GABRG2: variants seen among roughly 807,000 people sequenced by gnomAD.
The protein encoded by GABRG2 is gamma-aminobutyric acid receptor subunit gamma-2.
Under a neutral mutation model 56.4 loss-of-function variants are expected in GABRG2, and 16 were observed. The ratio of observed to expected loss-of-function variants is 0.28; its 90% CI spans 0.19 to 0.43. The LOEUF (loss-of-function observed/expected upper bound fraction) is 0.43. Among genes scored for constraint, GABRG2 ranks in the 20% least tolerant of loss-of-function variants. The pLI, the probability that GABRG2 is intolerant of heterozygous loss-of-function variation, is 1.00. For synonymous variants in GABRG2, 208 were observed against 205.5 expected, an observed-to-expected ratio of 1.01 and a Z score of -0.10; for missense variants, 327 against 582.7, an observed-to-expected ratio of 0.56 and a Z score of 4.52.
chr5:162,118,392 A>C (rs1762769377), intron 6 of GABRG2, among the ~76,000 whole-genome samples: 1 of 152,138 alleles, frequency 6.6e-6, no homozygotes, highest in Admixed American at 6.6e-5. Context: ...TATAGAAACA[A>C]GAGTGAGGTG....
chr5:162,070,799 A>T (rs1758613046), intron 1 of GABRG2, among the ~76,000 whole-genome samples: 1 of 152,012 alleles, frequency 6.6e-6, no homozygotes, highest in Non-Finnish European at 1.5e-5. Flanking sequence ...AGATTCCTAC[A>T]CTATACACTG....
At chr5:162,111,409 T>A (rs1404133164) in intron 6 of GABRG2, among the ~76,000 whole-genome samples, 2 of 152,126 alleles carry the variant, frequency 1.3e-5, no homozygotes, top group African/African-American at 4.8e-5. Flanking sequence ...AGCAGGGAGA[T>A]AGTTTTTAAG....
intron 1 of GABRG2, among the ~76,000 whole-genome samples, chr5:162,078,397 ATTTT>A (rs869191596): frequency 9.8e-5 from 3 of 30,676 alleles, no homozygotes; most frequent in African/African-American, 5.2e-4. Flanking sequence ...ATATATATAT[ATTTT>A]TTTTTTTTTT....
intron 6 of GABRG2, among the ~76,000 whole-genome samples, chr5:162,132,273 TAAG>T (rs1441631260): frequency 6.6e-6 from 1 of 152,024 alleles, no homozygotes; most frequent in Non-Finnish European, 1.5e-5. Flanking sequence ...AAGCAATTTT[TAAG>T]GAGAACAAGA....
rs184463809 is a variant in GABRG2 at position 162,109,158 on chromosome 5, C to T, written c.769+5132C>T. Among the ~76,000 whole-genome samples, 882 of 151,684 alleles carry T rather than the reference C, an allele frequency of 5.8e-3. 13 individuals are homozygous for T. Among genetic ancestry groups the T allele is most frequent in the African/African-American group, 0.02 (835 of 41,300 alleles). On this transcript the variant is annotated intron_variant, in intron 6 of 9. Coordinates refer to ENST00000639213, the MANE Select transcript of GABRG2 (RefSeq NM_198904.4). ...ATCTCAAAGACAAAAAATCAAACAC[C>T]GCATGTTCTCCCTCATAGGTGGGAA...
At chr5:162,073,878 G>T (rs1213569453) in intron 1 of GABRG2, among the ~76,000 whole-genome samples, 5 of 151,988 alleles carry the variant, frequency 3.3e-5, no homozygotes, top group African/African-American at 1.2e-4. Context: ...GATATTGAGA[G>T]ATTAAGGGAC....
chr5:162,153,044 C>T (rs753049547), intron 9 of GABRG2, 49 bp from the exon 10 acceptor site: 1 of 1,610,244 alleles, frequency 6.2e-7, no homozygotes. Flanking sequence ...AGCCTAGGAT[C>T]TCTCGAGAAC....
chr5:162,080,456 G>A (rs1317032828), intron 1 of GABRG2, among the ~76,000 whole-genome samples: 2 of 152,038 alleles, frequency 1.3e-5, no homozygotes, highest in African/African-American at 4.8e-5. Flanking sequence ...TAAGCACTTG[G>A]TGTAATTTAA....
intron 1 of GABRG2, among the ~76,000 whole-genome samples, chr5:162,090,868 T>TTATCAA (rs1760518940): frequency 6.6e-6 from 1 of 152,138 alleles, no homozygotes; most frequent in Non-Finnish European, 1.5e-5. Context: ...TGCCCAGACA[T>TTATCAA]TCTTATGGAG....
intron 1 of GABRG2, among the ~76,000 whole-genome samples, chr5:162,073,231 T>C (rs1409951068): frequency 6.6e-6 from 1 of 151,904 alleles, no homozygotes; most frequent in East Asian, 1.9e-4. Context: ...GATTGAAAGG[T>C]CTAGACAGAA....
intron 1 of GABRG2, among the ~76,000 whole-genome samples, chr5:162,081,928 T>C (rs1212081345): frequency 6.6e-6 from 1 of 152,008 alleles, no homozygotes; most frequent in African/African-American, 2.4e-5. Flanking sequence ...ATGGGATAAT[T>C]AAAAACTTAT....
At chr5:162,107,092 G>A (rs1435897839) in intron 6 of GABRG2, among the ~76,000 whole-genome samples, 1 of 152,084 alleles carries the variant, frequency 6.6e-6, no homozygotes, top group Admixed American at 6.6e-5. Context: ...ACTTACAAGT[G>A]AGAACATGCA....
intron 7 of GABRG2, among the ~76,000 whole-genome samples, chr5:162,145,173 T>C (rs928098543): frequency 1.3e-5 from 2 of 152,208 alleles, no homozygotes; most frequent in Non-Finnish European, 2.9e-5. Flanking sequence ...CCACGTTGAC[T>C]CAGAGATACT....
chr5:162,134,811 C>A (rs1764000582), intron 6 of GABRG2, among the ~76,000 whole-genome samples: 1 of 152,112 alleles, frequency 6.6e-6, no homozygotes, highest in Non-Finnish European at 1.5e-5. Flanking sequence ...ACCATCCCTC[C>A]TCAGCAGCCT....
intron 6 of GABRG2, among the ~76,000 whole-genome samples, chr5:162,112,990 T>C (rs1394327489): frequency 6.6e-6 from 1 of 152,088 alleles, no homozygotes; most frequent in East Asian, 1.9e-4. Flanking sequence ...TCTCGCTCTG[T>C]TACCCAGGCC....
At chr5:162,101,634 T>A in intron 5 of GABRG2, 1 of 345,528 alleles carries the variant, frequency 2.9e-6, no homozygotes, top group Non-Finnish European at 5.4e-6. Flanking sequence ...ATAGAAAAGG[T>A]GCAATCTTTA....
chr5:162,137,332 A>G (rs1764208571), intron 6 of GABRG2, among the ~76,000 whole-genome samples: 1 of 152,226 alleles, frequency 6.6e-6, no homozygotes, highest in Non-Finnish European at 1.5e-5. Flanking sequence ...TTATCTTCCT[A>G]AAAGTTCACA....
chr5:162,105,586 C>T (rs1183628308), intron 6 of GABRG2, among the ~76,000 whole-genome samples: 1 of 151,836 alleles, frequency 6.6e-6, no homozygotes, highest in African/African-American at 2.4e-5. Context: ...CCCACCACCA[C>T]GCCTGGCTAA....
chr5:162,086,466 A>G (rs949619554), intron 1 of GABRG2, among the ~76,000 whole-genome samples: 1 of 152,072 alleles, frequency 6.6e-6, no homozygotes, highest in Non-Finnish European at 1.5e-5. Context: ...AATGTTATAA[A>G]AAGCATATAA....
Sources: allele counts gnomAD v4.1 joint callset (sites outside exome capture counted in the v4.1 genomes callset), GRCh38; gene constraint gnomAD v4.1.1; transcripts MANE v1.5; gene names NCBI Gene and HGNC (gene_info 2026-07-23, HGNC 2026-07-21).